GTF2A1: variants seen among roughly 807,000 people sequenced by gnomAD.
The protein encoded by GTF2A1 is general transcription factor IIA subunit 1.
A neutral mutation model predicts 54.1 loss-of-function variants in GTF2A1; 12 were observed. The ratio of observed to expected loss-of-function variants is 0.22; its 90% CI spans 0.14 to 0.36. The LOEUF (loss-of-function observed/expected upper bound fraction) is 0.36. GTF2A1 is among the 10% of genes least tolerant of loss of function. GTF2A1 has a pLI of 1.00. For synonymous variants in GTF2A1, 145 were observed against 152.0 expected, an observed-to-expected ratio of 0.95 and a Z score of 0.34; for missense variants, 335 against 442.2, an observed-to-expected ratio of 0.76 and a Z score of 2.17.
intron 2 of GTF2A1, among the ~76,000 whole-genome samples, chr14:81,210,943 C>A (rs917026085): frequency 2.6e-5 from 4 of 152,192 alleles, no homozygotes; most frequent in African/African-American, 9.7e-5. Flanking sequence ...GAAAATTCAT[C>A]TTCTGTTCCC....
chr14:81,202,681 G>C (rs1036138695), intron 3 of GTF2A1: 2 of 517,786 alleles, frequency 3.9e-6, no homozygotes, highest in Non-Finnish European at 7.7e-6. Flanking sequence ...TGTTACTTAA[G>C]CGTAAAAGGA....
In GTF2A1 at chr14:81,176,260, CATA is replaced by C. The variant is rs1440144242; in HGVS notation, c.*3960_*3962del. On this transcript the variant is annotated 3_prime_UTR_variant, in exon 9 of 9. Transcript: ENST00000553612. ...TTGTATTCCAAGATGGTCTTTAAAA[CATA>C]ATATCCCATATATCACAGAAGAGCA... is the stretch of plus-strand genomic sequence containing the variant. 2.6e-5 allele frequency: 4 copies of C among 152,172 alleles called. No homozygotes were observed. Among genetic ancestry groups the C allele is most frequent in the Non-Finnish European group, 4.4e-5 (3 of 67,964 alleles). The allele number at this position is 152,172 out of a possible 1,614,324, so 9.4% of individuals were successfully genotyped here. A position where few individuals can be genotyped will look rare whatever the true frequency, so the allele number is the denominator to read the frequency against.
intron 2 of GTF2A1, among the ~76,000 whole-genome samples, chr14:81,215,388 C>G (rs1893465211): frequency 6.6e-6 from 1 of 152,148 alleles, no homozygotes; most frequent in African/African-American, 2.4e-5. Flanking sequence ...CTATGATTTT[C>G]CAGACTTAAG....
intron 7 of GTF2A1, among the ~76,000 whole-genome samples, chr14:81,186,129 G>C (rs1467468611): frequency 6.6e-6 from 1 of 152,216 alleles, no homozygotes; most frequent in Admixed American, 6.5e-5. Context: ...TGGGATTACA[G>C]GCGTGAGCCA....
chr14:81,219,399 G>C (rs1364867905), intron 1 of GTF2A1, among the ~76,000 whole-genome samples: 1 of 152,262 alleles, frequency 6.6e-6, no homozygotes, highest in Non-Finnish European at 1.5e-5. Flanking sequence ...TAAATGGAGA[G>C]GCGGTGACGT....
chr14:81,193,839 T>C (rs1892929634), intron 6 of GTF2A1, among the ~76,000 whole-genome samples: 1 of 152,152 alleles, frequency 6.6e-6, no homozygotes, highest in African/African-American at 2.4e-5. Context: ...GTTCAAGGAA[T>C]GCAAAAATAA....
intron 8 of GTF2A1, among the ~76,000 whole-genome samples, chr14:81,184,033 AT>A (rs562950459): frequency 4.3e-4 from 65 of 152,338 alleles, no homozygotes; most frequent in Non-Finnish European, 8.1e-4. Context: ...AAATTTTAAA[AT>A]TATTTATCAT....
At chr14:81,217,479 G>A (rs187460489) in intron 1 of GTF2A1, among the ~76,000 whole-genome samples, 17 of 152,252 alleles carry the variant, frequency 1.1e-4, no homozygotes, top group Admixed American at 9.2e-4. Context: ...CATTATCAGA[G>A]GGTTATGGTT....
chr14:81,211,873 C>CTT (rs1555390534), intron 2 of GTF2A1, among the ~76,000 whole-genome samples: 1 of 99,288 alleles, frequency 1.0e-5, no homozygotes, highest in Non-Finnish European at 1.9e-5. Flanking sequence ...GTATCAAGTA[C>CTT]TTTATATATA....
intron 8 of GTF2A1, among the ~76,000 whole-genome samples, chr14:81,183,323 G>A (rs1892677426): frequency 1.3e-5 from 2 of 152,160 alleles, no homozygotes; most frequent in South Asian, 4.1e-4. Context: ...CCAAGTGACT[G>A]CAACCAGAAA....
intron 3 of GTF2A1, chr14:81,202,582 G>A (rs1221782164): frequency 4.1e-6 from 2 of 483,802 alleles, no homozygotes; most frequent in East Asian, 5.5e-5. Context: ...TCAATATGGT[G>A]GCCTCCTGAA....
chr14:81,182,263 T>C (rs1437623253), intron 8 of GTF2A1, among the ~76,000 whole-genome samples: 3 of 152,226 alleles, frequency 2.0e-5, no homozygotes, highest in East Asian at 1.9e-4. Flanking sequence ...GAACTAATTA[T>C]ATCTCTGGTC....
intron 6 of GTF2A1, among the ~76,000 whole-genome samples, chr14:81,193,315 C>T (rs1376412725): frequency 4.6e-5 from 7 of 151,902 alleles, no homozygotes; most frequent in East Asian, 1.9e-4. Flanking sequence ...TACAGGTGCG[C>T]GCCACCATGC....
rs750839744 is a variant in GTF2A1, at chr14:81,196,057, A to G, written c.612+51T>C. On this transcript the variant is annotated intron_variant, in intron 6 of 8. Transcript: ENST00000553612. ...GAGAGGGAAACTACCCAGGGAATAC[A>G]TACAGAATAAAACAGAACCCCATAC... The G allele has an allele frequency of 1.6e-5, 24 of 1,545,532 alleles. No homozygotes were observed. The East Asian group carries it at 5.2e-4, about 33-fold the overall frequency.
rs1407547285 is a variant in GTF2A1 at position 81,203,924 on chromosome 14, C to T, written c.313G>A (p.Val105Ile). 2 of 1,614,040 alleles carry T rather than the reference C, an allele frequency of 1.2e-6. No homozygotes were observed. The highest frequency in any genetic ancestry group is 1.7e-6 in the Non-Finnish European group (2 of 1,179,928). The change falls in exon 3 of 9, where the codon GTT becomes ATT. Residue 105 changes from valine (V) to isoleucine (I), a missense_variant. Around this residue, in one of 2 missense-constraint regions of GTF2A1, gnomAD observed 306 missense variants for 360.4 expected, o/e 0.85. Transcript: ENST00000553612. ...TVPQQAQTQQ[V>I]LIPASQQATA... is the part of the protein sequence containing the mutation. ...CCTTGCTGTGATGCAGGAATAAGAA[C>T]CTGCTGGGTCTGCGCTTGCTGAGGT... is the stretch of plus-strand genomic sequence containing the variant.
At chr14:81,198,621 C>G (rs1018172166) in intron 4 of GTF2A1, among the ~76,000 whole-genome samples, 1 of 152,150 alleles carries the variant, frequency 6.6e-6, no homozygotes, top group African/African-American at 2.4e-5. Context: ...TTATTCTGCA[C>G]TTTAAGTATT....
intron 1 of GTF2A1, 122 bp downstream of exon 1, chr14:81,220,367 G>T (rs1283638880): frequency 1.3e-5 from 6 of 450,616 alleles, no homozygotes; most frequent in Non-Finnish European, 1.0e-5. Flanking sequence ...CGGCGGCGGC[G>T]GCGGCCGCGC....
intron 3 of GTF2A1, among the ~76,000 whole-genome samples, chr14:81,202,074 A>T (rs1036633858): frequency 3.3e-5 from 5 of 152,068 alleles, no homozygotes; most frequent in South Asian, 2.1e-4. Context: ...AGGTTGCAGT[A>T]AGCTGAGATC....
chr14:81,213,263 T>C (rs549973259), intron 2 of GTF2A1, among the ~76,000 whole-genome samples: 1 of 152,164 alleles, frequency 6.6e-6, no homozygotes, highest in Non-Finnish European at 1.5e-5. Flanking sequence ...TAAAAATCAG[T>C]GTGTTACCTA....
Sources: gnomAD v4.1 joint callset for allele counts (sites outside exome capture counted in the v4.1 genomes callset) on GRCh38, gnomAD v4.1.1 for gene constraint, gnomAD v4.1.1 regional missense constraint, MANE v1.5 for transcripts, NCBI Gene and HGNC (gene_info 2026-07-23, HGNC 2026-07-21) for gene names.